Variants in PPL observed in about 807,000 individuals in gnomAD.
PPL encodes 190 kDa paraneoplastic pemphigus antigen.
PPL carries 198 observed loss-of-function variants against 194.4 expected under a neutral mutation model. That is an observed-to-expected ratio of 1.02 (90% CI 0.91 to 1.15). The LOEUF is 1.15. PPL is among the 50% of genes most tolerant of loss of function. The pLI is 0.00. For synonymous variants in PPL, 1,220 were observed against 972.4 expected, an observed-to-expected ratio of 1.25 and a Z score of -4.74; for missense variants, 2,885 against 2,294.8, an observed-to-expected ratio of 1.26 and a Z score of -5.25.
rs1395990605 is a variant in PPL, at chr16:4,883,616, A to G, written c.5039T>C (p.Ile1680Thr). 5.6e-6 allele frequency: 9 copies of G among 1,614,140 alleles called. No individual in the cohort carries two copies. The highest frequency in any genetic ancestry group is 7.6e-6 in the Non-Finnish European group (9 of 1,180,010). Residue 1680 changes from isoleucine to threonine, a missense_variant, in exon 22 of 22, where the codon ATT becomes ACT. Ile to Thr is a moderately conservative substitution (Grantham distance 89, BLOSUM62 -1). Coordinates refer to ENST00000345988, the MANE Select transcript of PPL (RefSeq NM_002705.5). The surrounding 1 kb of genome is among the most constrained non-coding windows in gnomAD (Gnocchi z 4.8). The part of the protein sequence containing the change: ...SPEEAHRAGL[I>T]DWNMFVKLRS... ...GAGTTTCACGAACATGTTCCAGTCA[A>G]TGAGCCCGGCACGGTGGGCTTCCTC...
chr16:4,933,270 T>G (rs2089248814), intron 1 of PPL, among the ~76,000 whole-genome samples: 1 of 152,000 alleles, frequency 6.6e-6, no homozygotes. Context: ...AAGCCTGGGG[T>G]CCTGCCTCCC....
intron 9 of PPL, 118 bp from the exon 10 acceptor site, chr16:4,895,834 A>G: frequency 1.4e-6 from 2 of 1,399,600 alleles, no homozygotes; most frequent in Non-Finnish European, 2.0e-6. Flanking sequence ...CCTGGAGTCC[A>G]GCATGGGACC....
Position 4,888,362 on chromosome 16 carries a change from C to T in PPL, c.2398-144G>A, listed in dbSNP as rs981896688. ...TCTGCGTGGGTCTTCCTCACAGCTG[C>T]ACCCTGCAGTGATTTCCAGGAGGTT... On this transcript the variant is annotated intron_variant, in intron 19 of 21. Coordinates refer to ENST00000345988, the MANE Select transcript of PPL (RefSeq NM_002705.5). 6.5e-6 allele frequency: 4 copies of T among 617,008 alleles called. No homozygotes were observed. In the South Asian group the frequency reaches 7.4e-5, roughly 11 times the overall value. 38.2% of individuals were successfully genotyped at this position (617,008 alleles called of 1,614,324 possible). A position where few individuals can be genotyped will look rare whatever the true frequency, so the allele number is the denominator to read the frequency against.
Position 4,897,684 on chromosome 16 carries a change from G to A in PPL, c.963C>T (p.Asp321=), listed in dbSNP as rs1568009249. 1 of 1,612,762 alleles carries A rather than the reference G, an allele frequency of 6.2e-7. No homozygotes were observed. The highest frequency in any genetic ancestry group is 1.3e-5 in the African/African-American group (1 of 74,896). ...CAGGAAAGGTAAGTACCTGGTGGTA[G>A]TCCTCCATGTACTTGAGGTGGCTCT... The part of the protein sequence containing the change: ...CEESHLKYME[D]YHQFHEDVKD... The change falls in exon 9 of 22, where the codon GAC becomes GAT. Residue 321 remains aspartate (D), a synonymous_variant. Transcript: ENST00000345988.
Position 4,893,281 on chromosome 16 carries a change from T to G in PPL, c.1582A>C (p.Ile528Leu). 1 of 1,602,718 alleles carries G rather than the reference T, an allele frequency of 6.2e-7. No homozygotes were observed. Among genetic ancestry groups the G allele is most frequent in the Middle Eastern group, 1.8e-4 (1 of 5,418 alleles). Residue 528 changes from isoleucine (I) to leucine (L), a missense_variant, in exon 14 of 22, where the codon ATC becomes CTC. By Grantham distance (5) the Ile-to-Leu change is conservative. Transcript: ENST00000345988. ...CCTTGCTCCAGTGGTGGCCGCAGGA[T>G]CCCTGTGATGGCCTTCTCCTGCCGG... ...LDRQEKAITG[I>L]LRPPLEQGRA...
At position 4,893,262 on chromosome 16, in the gene PPL, T is replaced by C; in HGVS notation, c.1601A>G (p.Glu534Gly). 6.3e-7 allele frequency: 1 copy of C among 1,597,272 alleles called. No individual in the cohort carries two copies. Among genetic ancestry groups the C allele is most frequent in the Non-Finnish European group, 8.5e-7 (1 of 1,175,114 alleles). ...AITGILRPPL[E>G]QGRAVQDSAE... is the part of the protein sequence containing the mutation. ...ACTGTCCTGCACAGCCCGGCCTTGC[T>C]CCAGTGGTGGCCGCAGGATCCCTGT... The change falls in exon 14 of 22, where the codon GAG (glutamate) becomes GGG (glycine). Residue 534 changes from glutamate (E) to glycine (G), a missense_variant. Coordinates refer to ENST00000345988, the MANE Select transcript of PPL (RefSeq NM_002705.5).
At chr16:4,889,241 G>GGTTTTTTT (rs1442783436) in intron 18 of PPL, among the ~76,000 whole-genome samples, 180 bp from the exon 19 acceptor site, 1,256 of 66,664 alleles carry the variant, frequency 0.019, 171 homozygotes, top group South Asian at 0.024. Flanking sequence ...TGTTGTTGTT[G>GGTTTTTTT]TTTTTTTTTT....
Position 4,883,575 on chromosome 16 carries a change from C to G in PPL, c.5080G>C (p.Asp1694His), listed in dbSNP as rs143852771. ...CCCTTCACTGAGATCTCCTCCCAGT[C>G]GCACTCCTGGCTTCTGAGTTTCACG... Reference protein sequence around the residue: ...MFVKLRSQECDWEEISVKGPN... With the variant: ...MFVKLRSQECHWEEISVKGPN... Residue 1694 changes from aspartate to histidine, a missense_variant, in exon 22 of 22, where the codon GAC becomes CAC. Asp to His is a moderately conservative substitution (Grantham distance 81). Transcript: ENST00000345988. This position sits in a 1 kb window ranked among gnomAD's most constrained non-coding sequence, Gnocchi z 4.8. 3.7e-6 allele frequency: 6 copies of G among 1,614,174 alleles called. No individual in the cohort carries two copies. Among genetic ancestry groups the G allele is most frequent in the Non-Finnish European group, 3.4e-6 (4 of 1,180,012 alleles).
intron 1 of PPL, among the ~76,000 whole-genome samples, chr16:4,928,720 ACT>A (rs539297960): frequency 3.3e-5 from 5 of 152,026 alleles, no homozygotes; most frequent in Admixed American, 2.6e-4. Flanking sequence ...CAGATAAGAA[ACT>A]CTATTTGGCT....
Position 4,899,377 on chromosome 16 carries a change from G to T in PPL, c.614C>A (p.Ser205Ter). ...ACTCAGGTGCTGCTGCCGGGCCTGT[G>T]ATGCTGCCTGAAGGGGCCGGGGCAA... The part of the protein sequence containing the change: ...RAKYQKLLAA[S>*]QARQQHLSSL... Residue 205 changes from serine (S) to a stop codon, truncating the protein, a stop_gained, in exon 7 of 22, where the codon TCA becomes TAA. Coordinates refer to ENST00000345988, the MANE Select transcript of PPL (RefSeq NM_002705.5). LOFTEE classifies it high-confidence loss of function. The T allele has an allele frequency of 6.2e-7, 1 of 1,606,488 alleles. No homozygotes were observed. Among genetic ancestry groups the T allele is most frequent in the Non-Finnish European group, 8.5e-7 (1 of 1,176,308 alleles).
Position 4,884,706 on chromosome 16 carries a change from C to G in PPL, c.3949G>C (p.Glu1317Gln), listed in dbSNP as rs749366391. The G allele has an allele frequency of 9.3e-6, 15 of 1,614,164 alleles. No individual in the cohort carries two copies. The East Asian group carries it at 2.7e-4, about 29-fold the overall frequency. The stretch of plus-strand genomic sequence containing the variant: ...AGATCCACTTGTTTCTTCTGCTCCT[C>G]TGAGAGCTTTGCCCTCAGAGACGCC... ...EVASLRAKLS[E>Q]EQKKQVDLER... Residue 1317 changes from glutamate to glutamine, a missense_variant, in exon 22 of 22, where the codon GAG becomes CAG. Transcript: ENST00000345988. The surrounding 1 kb of genome is among the most constrained non-coding windows in gnomAD (Gnocchi z 5.7).
intron 2 of PPL, among the ~76,000 whole-genome samples, 171 bp from the exon 3 acceptor site, chr16:4,904,211 G>A (rs1274762734): frequency 6.6e-6 from 1 of 152,224 alleles, no homozygotes; most frequent in East Asian, 1.9e-4. Context: ...TCTCTTTGCT[G>A]CTACGTGGTA....
At chr16:4,890,688 C>G (rs1014018033) in intron 17 of PPL, 40 bp downstream of exon 17, 8 of 1,561,846 alleles carry the variant, frequency 5.1e-6, no homozygotes, top group Non-Finnish European at 6.9e-6. Context: ...AGATCGCATT[C>G]TCAGAAAACA....
chr16:4,919,047 G>A (rs1370114681), intron 1 of PPL, among the ~76,000 whole-genome samples: 4 of 152,214 alleles, frequency 2.6e-5, no homozygotes, highest in Admixed American at 2.6e-4. Flanking sequence ...CCTGAGCCAG[G>A]AACACAAAGA....
intron 1 of PPL, among the ~76,000 whole-genome samples, chr16:4,926,343 G>GC (rs1432155295): frequency 6.6e-6 from 1 of 152,090 alleles, no homozygotes; most frequent in African/African-American, 2.4e-5. Context: ...TCATCTCTCT[G>GC]CCCCTTACAG....
chr16:4,903,833 C>G, intron 3 of PPL, 53 bp downstream of exon 3: 1 of 1,603,034 alleles, frequency 6.2e-7, no homozygotes, highest in Non-Finnish European at 8.5e-7. Context: ...ACCCCCCGCC[C>G]TGGCCCATAG....
Position 4,884,880 on chromosome 16 carries a change from T to A in PPL, c.3775A>T (p.Thr1259Ser), listed in dbSNP as rs1355232350. 3 of 1,614,030 alleles carry A rather than the reference T, an allele frequency of 1.9e-6. No individual in the cohort carries two copies. In the African/African-American group the frequency reaches 4.0e-5, roughly 22 times the overall value. The stretch of plus-strand genomic sequence containing the variant: ...AAATCACACCTTTCGATCAGTCTGG[T>A]CTTGTCCACGATCTCCTCCCTGAGC... ...QRLREEIVDK[T>S]RLIERCDLEI... The change falls in exon 22 of 22, where the codon ACC becomes TCC. Residue 1259 changes from threonine (T) to serine (S), a missense_variant. Coordinates refer to ENST00000345988, the MANE Select transcript of PPL (RefSeq NM_002705.5). This position sits in a 1 kb window ranked among gnomAD's most constrained non-coding sequence, Gnocchi z 5.7.
chr16:4,905,977 A>T (rs927925510), intron 2 of PPL, among the ~76,000 whole-genome samples: 1 of 152,128 alleles, frequency 6.6e-6, no homozygotes, highest in African/African-American at 2.4e-5. Flanking sequence ...GTGTGATGGC[A>T]TGCACCTATA....
In PPL at chr16:4,884,104, CTG is replaced by C; in HGVS notation, c.4549_4550del (p.Gln1517GlufsTer34). On this transcript the variant is annotated frameshift_variant, in exon 22 of 22. Transcript: ENST00000345988. LOFTEE classifies it high-confidence loss of function. The surrounding 1 kb of genome is among the most constrained non-coding windows in gnomAD (Gnocchi z 5.7). ...CCTCCTCCAGGCTGCTCTTGAGCCT[CTG>C]GATCTCTTGCTCGGTGTCGCCCTTC... ...VEKGDTEQEIQRLKSSLEEES... is the reference protein window; with the variant it reads ...VEKGDTEQEIXRLKSSLEEES... The C allele has an allele frequency of 6.2e-7, 1 of 1,613,402 alleles. No individual in the cohort carries two copies. Among genetic ancestry groups the C allele is most frequent in the Non-Finnish European group, 8.5e-7 (1 of 1,179,982 alleles).
Sources: gnomAD v4.1 joint callset for allele counts (sites outside exome capture counted in the v4.1 genomes callset) on GRCh38, gnomAD v4.1.1 for gene constraint, Gnocchi (gnomAD v3.1) non-coding constraint, MANE v1.5 for transcripts, NCBI Gene and HGNC (gene_info 2026-07-23, HGNC 2026-07-21) for gene names.